EPHA6: variants seen among roughly 807,000 people sequenced by gnomAD.
EPHA6 encodes the protein ephrin type-A receptor 6.
Under a neutral mutation model 112.0 loss-of-function variants are expected in EPHA6, and 50 were observed. That is an observed-to-expected ratio of 0.45 (90% CI 0.36 to 0.56). The LOEUF is 0.56. EPHA6 is among the 20% of genes least tolerant of loss of function. The probability of loss-of-function intolerance (pLI) is 0.00; values close to 1 mark genes in which losing one functional copy is unlikely to be tolerated. For synonymous variants in EPHA6, 529 were observed against 490.7 expected, an observed-to-expected ratio of 1.08 and a Z score of -1.03; for missense variants, 1,280 against 1,417.4, an observed-to-expected ratio of 0.90 and a Z score of 1.56.
chr3:97,353,731 C>T (rs1272973222), intron 5 of EPHA6, among the ~76,000 whole-genome samples: 2 of 152,134 alleles, frequency 1.3e-5, no homozygotes. Context: ...ACAAGCCTGG[C>T]TGGATTCACC....
At chr3:97,526,339 G>A (rs2092619494) in intron 10 of EPHA6, among the ~76,000 whole-genome samples, 1 of 152,208 alleles carries the variant, frequency 6.6e-6, no homozygotes, top group Admixed American at 6.5e-5. Flanking sequence ...GCGTGTCAGG[G>A]AAACAGACAG....
rs191910709 is a variant in EPHA6, at chr3:97,094,407, A to G, written c.1114+106414A>G. Among the ~76,000 whole-genome samples, 233 of 152,218 alleles carry G rather than the reference A, an allele frequency of 1.5e-3. 1 individual carries two copies. Among genetic ancestry groups the G allele is most frequent in the African/African-American group, 5.2e-3 (217 of 41,562 alleles). On this transcript the variant is annotated intron_variant, in intron 3 of 17. Transcript: ENST00000389672. The stretch of plus-strand genomic sequence containing the variant: ...TAACTTTTAATCACTTTCTATTCTC[A>G]TTATATCTCCTGTCATAACAAGTAT...
At chr3:97,068,732 T>G (rs769201122) in intron 3 of EPHA6, among the ~76,000 whole-genome samples, 1 of 151,966 alleles carries the variant, frequency 6.6e-6, no homozygotes, top group Non-Finnish European at 1.5e-5. Flanking sequence ...GTGAGGGAAT[T>G]AGATCATGCG....
At chr3:97,713,140 T>C (rs1466269321) in intron 14 of EPHA6, among the ~76,000 whole-genome samples, 1 of 151,968 alleles carries the variant, frequency 6.6e-6, no homozygotes, top group East Asian at 1.9e-4. Context: ...TGGAAATAGG[T>C]CAAGTGTGTC....
rs1012812205 is a variant in EPHA6 at position 97,450,646 on chromosome 3, T to A, written c.1894+1916T>A. ...GTACTTTCAAGACAATTTCTTCAGA[T>A]GTTATGTAGAATAAAAAGAAAGGTT... On this transcript the variant is annotated intron_variant, in intron 7 of 17. Transcript: ENST00000389672. Among the ~76,000 whole-genome samples the A allele has an allele frequency of 2.0e-5, 3 of 152,182 alleles. No individual in the cohort carries two copies. In the South Asian group the frequency reaches 6.2e-4, roughly 31 times the overall value.
rs115651523 is a variant in EPHA6, at chr3:97,039,786, C to T, written c.1114+51793C>T. Among the ~76,000 whole-genome samples the T allele has an allele frequency of 5.9e-5, 9 of 152,072 alleles. No homozygotes were observed. The East Asian group carries it at 1.2e-3, about 20-fold the overall frequency. ...AGCTTTTAATCCTGATGTTTTGTTA[C>T]AGCAAGGGGACACTTCGAAGTAAGT... On this transcript the variant is annotated intron_variant, in intron 3 of 17. Transcript: ENST00000389672.
chr3:97,728,874 C>CTTTT (rs1231205445), intron 15 of EPHA6, among the ~76,000 whole-genome samples: 1 of 152,082 alleles, frequency 6.6e-6, no homozygotes, highest in Non-Finnish European at 1.5e-5. Flanking sequence ...ATGTCATCAA[C>CTTTT]AACTTTTTAA....
chr3:97,119,684 G>A (rs2047989313), intron 3 of EPHA6, among the ~76,000 whole-genome samples: 1 of 152,008 alleles, frequency 6.6e-6, no homozygotes, highest in Non-Finnish European at 1.5e-5. Context: ...GCTTTGTTTT[G>A]CCCGTGTAAA....
intron 3 of EPHA6, among the ~76,000 whole-genome samples, chr3:97,003,371 G>C (rs972553299): frequency 2.0e-5 from 3 of 152,122 alleles, no homozygotes; most frequent in Admixed American, 1.3e-4. Flanking sequence ...GCCTCCCAAA[G>C]TGCTGGGATT....
At chr3:96,962,651 T>A (rs2041987047) in intron 2 of EPHA6, among the ~76,000 whole-genome samples, 1 of 151,328 alleles carries the variant, frequency 6.6e-6, no homozygotes, top group Non-Finnish European at 1.5e-5. Flanking sequence ...TTTTTTTTTT[T>A]AGCTAAAACA....
At chr3:97,566,137 G>A (rs988463826) in intron 11 of EPHA6, among the ~76,000 whole-genome samples, 2 of 152,158 alleles carry the variant, frequency 1.3e-5, no homozygotes, top group South Asian at 2.1e-4. Flanking sequence ...CAATCGTGGT[G>A]GAAGGTAGCA....
intron 6 of EPHA6, among the ~76,000 whole-genome samples, chr3:97,444,037 G>A (rs1166529648): frequency 6.6e-6 from 1 of 151,922 alleles, no homozygotes; most frequent in Non-Finnish European, 1.5e-5. Flanking sequence ...ATAGATAAAT[G>A]GAAATAAAAA....
intron 11 of EPHA6, among the ~76,000 whole-genome samples, chr3:97,574,167 T>A (rs772242011): frequency 9.9e-5 from 15 of 152,164 alleles, no homozygotes; most frequent in Non-Finnish European, 2.1e-4. Flanking sequence ...TGGAGAAATC[T>A]AAATTTTATT....
rs181380776 is a variant in EPHA6 at position 96,885,537 on chromosome 3, T to C, written c.450+18648T>C. On this transcript the variant is annotated intron_variant, in intron 2 of 17. Transcript: ENST00000389672. ...TAATGGTGTTCATAATAGCCTTGAA[T>C]GATCTTTTGTATTTCTGTGGTGTCA... Among the ~76,000 whole-genome samples, 979 of 152,268 alleles carry C rather than the reference T, an allele frequency of 6.4e-3. 7 individuals are homozygous for C. Among genetic ancestry groups the C allele is most frequent in the African/African-American group, 0.021 (885 of 41,556 alleles).
intron 5 of EPHA6, among the ~76,000 whole-genome samples, chr3:97,268,472 A>G (rs953572304): frequency 3.3e-5 from 5 of 152,216 alleles, no homozygotes; most frequent in Non-Finnish European, 5.9e-5. Context: ...ATCAGTATGA[A>G]TATTTAAGTG....
At chr3:97,714,553 G>A (rs916397846) in intron 14 of EPHA6, among the ~76,000 whole-genome samples, 5 of 152,148 alleles carry the variant, frequency 3.3e-5, no homozygotes, top group Non-Finnish European at 7.3e-5. Flanking sequence ...ATATAATATC[G>A]TTTTACACTA....
chr3:97,304,145 G>A (rs2081211524), intron 5 of EPHA6, among the ~76,000 whole-genome samples: 1 of 151,996 alleles, frequency 6.6e-6, no homozygotes, highest in African/African-American at 2.4e-5. Context: ...CTTTTGGGCT[G>A]AGACAATGGG....
Position 97,751,261 on chromosome 3 carries a change from T to G in EPHA6, c.*2560T>G, listed in dbSNP as rs1371122565. Among the ~76,000 whole-genome samples, 2 of 152,152 alleles carry G rather than the reference T, an allele frequency of 1.3e-5. No homozygotes were observed. The highest frequency in any genetic ancestry group is 4.8e-5 in the African/African-American group (2 of 41,460). ...TTAAAGTTGCCTATTAAGAATTCTT[T>G]CTTTTAAAATGTCTGATGATCCTAT... is the stretch of plus-strand genomic sequence containing the variant. On this transcript the variant is annotated 3_prime_UTR_variant, in exon 18 of 18. Transcript: ENST00000389672.
intron 9 of EPHA6, chr3:97,481,388 A>C (rs536866686): frequency 1.3e-6 from 2 of 1,502,024 alleles, no homozygotes; most frequent in Non-Finnish European, 1.8e-6. Flanking sequence ...TACTCCCTGA[A>C]ATTTTTTGCT....
Sources: gnomAD v4.1 joint callset for allele counts (sites outside exome capture counted in the v4.1 genomes callset) on GRCh38, gnomAD v4.1.1 for gene constraint, MANE v1.5 for transcripts, NCBI Gene and HGNC (gene_info 2026-07-23, HGNC 2026-07-21) for gene names.